The following BANK1 variants were observed in gnomAD, a reference collection of about 807,000 sequenced individuals.
BANK1 encodes B cell scaffold protein with ankyrin repeats 1.
A neutral mutation model predicts 94.5 loss-of-function variants in BANK1; 95 were observed. The ratio of observed to expected loss-of-function variants is 1.00; its 90% CI spans 0.85 to 1.19. The LOEUF is 1.19. Among genes scored for constraint, BANK1 ranks in the 50% most tolerant of loss-of-function variants. BANK1 has a pLI of 0.00. For missense variants in BANK1, 987 were observed against 932.2 expected, an observed-to-expected ratio of 1.06 and a Z score of -0.77; for synonymous variants, 334 against 308.4, an observed-to-expected ratio of 1.08 and a Z score of -0.87.
At chr4:102,026,987 C>G (rs1483919828) in intron 9 of BANK1, among the ~76,000 whole-genome samples, 1 of 152,104 alleles carries the variant, frequency 6.6e-6, no homozygotes, top group African/African-American at 2.4e-5. Context: ...TCCTCTGATT[C>G]ATTCATTCAT....
intron 7 of BANK1, among the ~76,000 whole-genome samples, chr4:102,001,532 G>A (rs1040881721): frequency 3.3e-5 from 5 of 152,128 alleles, no homozygotes; most frequent in Non-Finnish European, 5.9e-5. Flanking sequence ...CCCGGGAGGC[G>A]GAGGTTGCAG....
chr4:101,987,172 A>G (rs1725535803), intron 7 of BANK1, among the ~76,000 whole-genome samples: 1 of 151,644 alleles, frequency 6.6e-6, no homozygotes, highest in Non-Finnish European at 1.5e-5. Context: ...TTGGTCCTCA[A>G]TCCTTCACTT....
At position 101,832,894 on chromosome 4, in the gene BANK1, T is replaced by C. The variant is rs116986633; in HGVS notation, c.469+2688T>C. On this transcript the variant is annotated intron_variant, in intron 2 of 16. Transcript: ENST00000322953. ...TTCTTTGCTTTCTTTTTCCCTCCCT[T>C]CCTCCCTTCCTTCCCTCCCTCTCTC... is the stretch of plus-strand genomic sequence containing the variant. Among the ~76,000 whole-genome samples, 794 of 151,156 alleles carry C rather than the reference T, an allele frequency of 5.3e-3. 14 individuals are homozygous for C. The East Asian group carries it at 0.062, about 12-fold the overall frequency.
intron 7 of BANK1, among the ~76,000 whole-genome samples, chr4:101,987,091 T>C (rs1725532604): frequency 6.6e-6 from 1 of 151,298 alleles, no homozygotes; most frequent in Admixed American, 6.6e-5. Flanking sequence ...AGGCTGGAGC[T>C]GGGCTTCCTG....
intron 3 of BANK1, among the ~76,000 whole-genome samples, chr4:101,859,023 C>T (rs948831764): frequency 3.3e-5 from 5 of 152,070 alleles, no homozygotes; most frequent in African/African-American, 4.8e-5. Context: ...CCTTTTTGCC[C>T]GTTCATCCCT....
At chr4:101,966,761 G>T in intron 7 of BANK1, among the ~76,000 whole-genome samples, 1 of 152,022 alleles carries the variant, frequency 6.6e-6, no homozygotes, top group Non-Finnish European at 1.5e-5. Context: ...TGGCCAGGAT[G>T]AGAGACTTGG....
intron 2 of BANK1, among the ~76,000 whole-genome samples, chr4:101,833,077 T>G (rs1317191189): frequency 6.6e-6 from 1 of 152,018 alleles, no homozygotes; most frequent in East Asian, 1.9e-4. Context: ...CCTCCCAGGT[T>G]CAAGCAATTC....
chr4:101,818,287 T>A (rs1435887929), intron 1 of BANK1, among the ~76,000 whole-genome samples: 1 of 152,184 alleles, frequency 6.6e-6, no homozygotes, highest in Non-Finnish European at 1.5e-5. Context: ...AATGACTTGA[T>A]CAATATCCGT....
intron 4 of BANK1, among the ~76,000 whole-genome samples, chr4:101,869,325 G>C (rs1232309923): frequency 6.6e-6 from 1 of 151,758 alleles, no homozygotes; most frequent in Non-Finnish European, 1.5e-5. Context: ...TACCATATGC[G>C]TACTGCTGTA....
At chr4:101,895,749 AAAGAT>A (rs1722051541) in intron 6 of BANK1, among the ~76,000 whole-genome samples, 1 of 151,914 alleles carries the variant, frequency 6.6e-6, no homozygotes, top group Non-Finnish European at 1.5e-5. Context: ...AATATTTTAC[AAAGAT>A]AAGTAATTGA....
At chr4:102,022,891 T>C (rs575526099) in intron 8 of BANK1, among the ~76,000 whole-genome samples, 1 of 152,222 alleles carries the variant, frequency 6.6e-6, no homozygotes. Flanking sequence ...ATTTGCACTT[T>C]CTATTCCTTC....
chr4:101,945,533 G>A (rs991177259), intron 7 of BANK1, among the ~76,000 whole-genome samples: 2 of 151,848 alleles, frequency 1.3e-5, no homozygotes, highest in Admixed American at 1.3e-4. Context: ...ACTATTTCAA[G>A]TAAAAAATGA....
At position 101,901,816 on chromosome 4, in the gene BANK1, A is replaced by G. The variant is rs1048830856; in HGVS notation, c.1009+6406A>G. Among the ~76,000 whole-genome samples the G allele has an allele frequency of 3.3e-5, 5 of 151,758 alleles. No individual in the cohort carries two copies. In the East Asian group the frequency reaches 9.7e-4, roughly 29 times the overall value. ...TGCTCTGTCGCCCAGGCTGGAGTGC[A>G]GTGGTGCAATCTCAGCTCACTGCAA... On this transcript the variant is annotated intron_variant, in intron 6 of 16. Transcript: ENST00000322953.
rs561271281 is a variant in BANK1 at position 101,889,912 on chromosome 4, C to G, written c.904-5393C>G. On this transcript the variant is annotated intron_variant, in intron 5 of 16. Transcript: ENST00000322953. ...TTTTTAAAATTCTGTTCAGAGTTTC[C>G]TTTTGACCCACAGATTACTTAGTAG... Among the ~76,000 whole-genome samples the G allele has an allele frequency of 2.6e-4, 39 of 152,044 alleles. 1 individual carries two copies. Among genetic ancestry groups the G allele is most frequent in the African/African-American group, 9.4e-4 (39 of 41,490 alleles).
At chr4:101,834,985 G>C (rs7438361) in intron 2 of BANK1, among the ~76,000 whole-genome samples, 1 of 151,854 alleles carries the variant, frequency 6.6e-6, no homozygotes, top group African/African-American at 2.4e-5. Context: ...TTCCTTTAAA[G>C]GAATTAAGAA....
At chr4:102,059,062 C>A (rs1228140563) in intron 11 of BANK1, among the ~76,000 whole-genome samples, 2 of 152,182 alleles carry the variant, frequency 1.3e-5, no homozygotes, top group African/African-American at 4.8e-5. Flanking sequence ...ATACTTGAAA[C>A]CTCTTTTCCA....
chr4:101,986,711 A>G (rs981376819), intron 7 of BANK1, among the ~76,000 whole-genome samples: 1 of 150,284 alleles, frequency 6.7e-6, no homozygotes, highest in East Asian at 1.9e-4. Flanking sequence ...TTTCATGTCA[A>G]ACTTATTTCT....
At chr4:102,022,589 G>C (rs564057336) in intron 8 of BANK1, among the ~76,000 whole-genome samples, 1 of 152,206 alleles carries the variant, frequency 6.6e-6, no homozygotes, top group Non-Finnish European at 1.5e-5. Context: ...TGACTCAGGA[G>C]GGAGGATTGC....
chr4:102,025,652 C>A, intron 9 of BANK1, 143 bp downstream of exon 9: 1 of 786,022 alleles, frequency 1.3e-6, no homozygotes. Flanking sequence ...TCTTTAAAAA[C>A]TAAGGCCTGG....
Sources: gnomAD v4.1 joint callset for allele counts (sites outside exome capture counted in the v4.1 genomes callset) on GRCh38, gnomAD v4.1.1 for gene constraint, MANE v1.5 for transcripts, NCBI Gene and HGNC (gene_info 2026-07-23, HGNC 2026-07-21) for gene names.